PPP1R9A: variants seen among roughly 807,000 people sequenced by gnomAD.
The protein encoded by PPP1R9A is neurabin-1.
A neutral mutation model predicts 141.9 loss-of-function variants in PPP1R9A; 59 were observed. The observed-to-expected ratio is 0.42, with a 90% CI of 0.34 to 0.52. The LOEUF (loss-of-function observed/expected upper bound fraction) is 0.52, where lower values mean the gene tolerates loss of function less well. PPP1R9A is among the 20% of genes least tolerant of loss of function. PPP1R9A has a pLI of 0.10. For missense variants in PPP1R9A, 1,444 were observed against 1,611.9 expected (o/e 0.90, Z 1.78); for synonymous variants, 500 against 569.7 (o/e 0.88, Z 1.74).
intron 10 of PPP1R9A, 32 bp downstream of exon 10, chr7:95,250,287 AT>A (rs1316722036): frequency 6.5e-7 from 1 of 1,545,822 alleles, no homozygotes; most frequent in Non-Finnish European, 8.8e-7. Context: ...AAGAATAGTT[AT>A]GTTTGTCTAA....
intron 2 of PPP1R9A, among the ~76,000 whole-genome samples, chr7:94,954,643 TTAA>T (rs1241261842): frequency 6.6e-6 from 1 of 151,676 alleles, no homozygotes; most frequent in African/African-American, 2.4e-5. Flanking sequence ...ATTATAATTA[TTAA>T]TATATTTGTG....
intron 8 of PPP1R9A, among the ~76,000 whole-genome samples, chr7:95,240,400 G>GT (rs1462881996): frequency 1.3e-5 from 2 of 150,660 alleles, no homozygotes; most frequent in Non-Finnish European, 3.0e-5. Flanking sequence ...GTTTCCTTCA[G>GT]TTTTTTCCTA....
At chr7:95,166,243 GA>G (rs1331199875) in intron 5 of PPP1R9A, among the ~76,000 whole-genome samples, 1 of 151,960 alleles carries the variant, frequency 6.6e-6, no homozygotes. Flanking sequence ...TAGTAATATG[GA>G]AAGTAGAATA....
In PPP1R9A at chr7:95,198,423, A is replaced by G. The variant is rs1195448399; in HGVS notation, c.1829A>G (p.Glu610Gly). 6.2e-7 allele frequency: 1 copy of G among 1,613,430 alleles called. No individual in the cohort carries two copies. Among genetic ancestry groups the G allele is most frequent in the East Asian group, 2.2e-5 (1 of 44,846 alleles). ...TTGATAAGCCAGACACTGGAACAGG[A>G]GAGGCGCCAGAGAGAGCTGCTGGAA... ...AQLISQTLEQERRQRELLEQH... is the reference protein window; with the variant it reads ...AQLISQTLEQGRRQRELLEQH... Residue 610 changes from glutamate to glycine, a missense_variant, in exon 6 of 20, where the codon GAG becomes GGG. Physicochemically the swap from Glu to Gly is moderately conservative, Grantham distance 98 (BLOSUM62 -2). Transcript: ENST00000433360.
chr7:95,140,790 G>A (rs1826530441), intron 4 of PPP1R9A, among the ~76,000 whole-genome samples: 1 of 152,162 alleles, frequency 6.6e-6, no homozygotes, highest in Non-Finnish European at 1.5e-5. Flanking sequence ...TTGGCTCACT[G>A]AAATCCTCTG....
chr7:94,917,979 T>C (rs778931453), intron 2 of PPP1R9A, among the ~76,000 whole-genome samples: 108 of 152,334 alleles, frequency 7.1e-4, no homozygotes, highest in Non-Finnish European at 1.4e-3. Flanking sequence ...TAGAGAAATA[T>C]AGTTAGATGT....
At chr7:95,277,975 C>T (rs918374441) in intron 16 of PPP1R9A, among the ~76,000 whole-genome samples, 1 of 152,054 alleles carries the variant, frequency 6.6e-6, no homozygotes, top group African/African-American at 2.4e-5. Context: ...ATGTGTGTAT[C>T]TCAGATGGGG....
At chr7:95,151,391 C>A (rs1828639128) in intron 4 of PPP1R9A, among the ~76,000 whole-genome samples, 2 of 152,132 alleles carry the variant, frequency 1.3e-5, no homozygotes, top group African/African-American at 4.8e-5. Flanking sequence ...TTTATAATTC[C>A]TATTATCTGA....
At chr7:95,277,424 TTTTG>T (rs745497961) in intron 16 of PPP1R9A, among the ~76,000 whole-genome samples, 59 of 152,082 alleles carry the variant, frequency 3.9e-4, no homozygotes, top group African/African-American at 1.0e-3. Context: ...GGCATTGTCT[TTTTG>T]TTTGTTTGTT....
At chr7:95,223,370 A>G (rs773871323) in intron 7 of PPP1R9A, among the ~76,000 whole-genome samples, 19 of 152,042 alleles carry the variant, frequency 1.2e-4, no homozygotes, top group Non-Finnish European at 1.0e-4. Flanking sequence ...TGCATATGTT[A>G]TGCATACCCT....
chr7:94,934,735 A>G (rs1182165274), intron 2 of PPP1R9A, among the ~76,000 whole-genome samples: 1 of 152,056 alleles, frequency 6.6e-6, no homozygotes, highest in Non-Finnish European at 1.5e-5. Context: ...ATATGTACAC[A>G]TATATACGTC....
chr7:95,077,251 T>C (rs1371069183), intron 2 of PPP1R9A, among the ~76,000 whole-genome samples: 1 of 152,150 alleles, frequency 6.6e-6, no homozygotes, highest in East Asian at 1.9e-4. Context: ...TGGTTTTCGC[T>C]TTGTGGTCTG....
At chr7:95,106,718 A>G (rs1819566091) in intron 2 of PPP1R9A, among the ~76,000 whole-genome samples, 1 of 152,218 alleles carries the variant, frequency 6.6e-6, no homozygotes, top group Non-Finnish European at 1.5e-5. Context: ...TACATTTAAA[A>G]TATTGATAAC....
intron 2 of PPP1R9A, among the ~76,000 whole-genome samples, chr7:94,942,255 C>T (rs1795406581): frequency 6.6e-6 from 1 of 152,138 alleles, no homozygotes; most frequent in African/African-American, 2.4e-5. Context: ...ACCTGAGCTT[C>T]AAATTAGTTC....
chr7:95,201,082 C>T (rs904120605), intron 6 of PPP1R9A, among the ~76,000 whole-genome samples: 1 of 152,090 alleles, frequency 6.6e-6, no homozygotes, highest in African/African-American at 2.4e-5. Flanking sequence ...TTCTATGATT[C>T]TTTGTTCTGT....
intron 1 of PPP1R9A, among the ~76,000 whole-genome samples, chr7:94,909,254 A>G (rs1018008747): frequency 4.6e-5 from 7 of 152,238 alleles, no homozygotes; most frequent in African/African-American, 1.7e-4. Context: ...AACCACTGTT[A>G]GGAAACTTCC....
chr7:95,290,587 G>C lies in PPP1R9A; in HGVS notation c.*284G>C, dbSNP rs901596017. 4.8e-5 allele frequency: 17 copies of C among 350,932 alleles called. No homozygotes were observed. Among genetic ancestry groups the C allele is most frequent in the Non-Finnish European group, 8.5e-5 (16 of 187,756 alleles). 21.7% of individuals were successfully genotyped at this position (350,932 alleles called of 1,614,324 possible). A position where few individuals can be genotyped will look rare whatever the true frequency, so the allele number is the denominator to read the frequency against. ...CTCTAACTTACCAACATCTTGTGTT[G>C]TGTTGGGTGTGTTTTGTCACTTGGA... On this transcript the variant is annotated 3_prime_UTR_variant, in exon 20 of 20. Transcript: ENST00000433360.
At chr7:95,235,152 A>G (rs1248016759) in intron 8 of PPP1R9A, among the ~76,000 whole-genome samples, 1 of 152,166 alleles carries the variant, frequency 6.6e-6, no homozygotes, top group East Asian at 1.9e-4. Flanking sequence ...CAACAAAAAC[A>G]AAGGTAAATA....
chr7:95,294,343 A>G lies in PPP1R9A; in HGVS notation c.*4040A>G, dbSNP rs975050572. On this transcript the variant is annotated 3_prime_UTR_variant, in exon 20 of 20. Coordinates refer to ENST00000433360, the MANE Select transcript of PPP1R9A (RefSeq NM_001166160.2). ...GACTGCAGTGGTGCCATCATGTCTT[A>G]CTGCAGCCTCAAACTCCTGGGCTCA... The G allele has an allele frequency of 7.9e-6, 1 of 126,972 alleles. No homozygotes were observed. The highest frequency in any genetic ancestry group is 1.5e-5 in the Non-Finnish European group (1 of 64,620). 7.9% of individuals were successfully genotyped at this position (126,972 alleles called of 1,614,324 possible).
Sources: gnomAD v4.1 joint callset for allele counts (sites outside exome capture counted in the v4.1 genomes callset) on GRCh38, gnomAD v4.1.1 for gene constraint, MANE v1.5 for transcripts, NCBI Gene and HGNC (gene_info 2026-07-23, HGNC 2026-07-21) for gene names.